The following MBNL1 variants were observed in gnomAD, a reference collection of about 807,000 sequenced individuals.
The protein encoded by MBNL1 is muscleblind-like protein 1.
MBNL1 carries 8 observed loss-of-function variants against 42.2 expected under a neutral mutation model. The ratio of observed to expected loss-of-function variants is 0.19; its 90% confidence interval spans 0.11 to 0.34. The LOEUF (loss-of-function observed/expected upper bound fraction) is 0.34, where lower values mean the gene tolerates loss of function less well. Ranked by LOEUF, MBNL1 falls within the 10% of genes least tolerant of loss-of-function variation. The probability of loss-of-function intolerance (pLI) is 1.00; values close to 1 mark genes in which losing one functional copy is unlikely to be tolerated. For synonymous variants in MBNL1, 169 were observed against 173.9 expected, an observed-to-expected ratio of 0.97 and a Z score of 0.22; for missense variants, 309 against 495.3, an observed-to-expected ratio of 0.62 and a Z score of 3.57.
intron 1 of MBNL1, among the ~76,000 whole-genome samples, chr3:152,285,477 A>C (rs2150589490): frequency 6.6e-6 from 1 of 152,326 alleles, no homozygotes; most frequent in East Asian, 1.9e-4. Flanking sequence ...CATCTCTTAG[A>C]GTTGTGAGGA....
chr3:152,247,354 CTAAA>C (rs1258930623), intron 2 of MBNL1, among the ~76,000 whole-genome samples: 12 of 151,614 alleles, frequency 7.9e-5, no homozygotes, highest in Admixed American at 3.9e-4. Flanking sequence ...TTAAAATATG[CTAAA>C]TAAATAAGAA....
chr3:152,317,123 G>T lies in MBNL1; in HGVS notation c.174+16756G>T, dbSNP rs901502619. ...AAAGCTACTTGATGGTACCTTGGTT[G>T]TAGTTAGCAGGTCTCCATTTTCTAC... is the stretch of plus-strand genomic sequence containing the variant. On this transcript the variant is annotated intron_variant, in intron 2 of 9. Coordinates refer to ENST00000324210, the MANE Select transcript of MBNL1 (RefSeq NM_021038.5). Among the ~76,000 whole-genome samples the T allele has an allele frequency of 6.6e-5, 10 of 152,012 alleles. 1 individual carries two copies. Among genetic ancestry groups the T allele is most frequent in the African/African-American group, 9.7e-5 (4 of 41,400 alleles).
At chr3:152,327,973 T>G (rs1404009027) in intron 2 of MBNL1, among the ~76,000 whole-genome samples, 2 of 152,118 alleles carry the variant, frequency 1.3e-5, no homozygotes, top group African/African-American at 2.4e-5. Flanking sequence ...TTTTATTAAT[T>G]TATTTTTTTG....
chr3:152,429,136 G>A (rs563520054), intron 3 of MBNL1, among the ~76,000 whole-genome samples: 1 of 152,130 alleles, frequency 6.6e-6, no homozygotes, highest in African/African-American at 2.4e-5. Flanking sequence ...ATACTCTACT[G>A]TTGTAAGGAT....
intron 2 of MBNL1, among the ~76,000 whole-genome samples, chr3:152,398,165 T>G (rs1248069619): frequency 6.6e-6 from 1 of 152,180 alleles, no homozygotes; most frequent in Non-Finnish European, 1.5e-5. Flanking sequence ...TGCATAATTT[T>G]GGAAACAGGG....
At chr3:152,337,729 C>T (rs1458157936) in intron 2 of MBNL1, among the ~76,000 whole-genome samples, 1 of 151,494 alleles carries the variant, frequency 6.6e-6, no homozygotes, top group Non-Finnish European at 1.5e-5. Context: ...TTGTTCTTCT[C>T]ATCTCTGCAC....
chr3:152,382,615 A>G (rs1317835865), intron 2 of MBNL1, among the ~76,000 whole-genome samples: 3 of 152,128 alleles, frequency 2.0e-5, no homozygotes, highest in Non-Finnish European at 2.9e-5. Context: ...ATCCCAGGCA[A>G]TTAATGCAAC....
intron 1 of MBNL1, among the ~76,000 whole-genome samples, chr3:152,291,723 G>A (rs1032187939): frequency 3.3e-5 from 5 of 152,184 alleles, no homozygotes; most frequent in African/African-American, 1.2e-4. Flanking sequence ...CGAGATAAGC[G>A]TGTAATATTA....
rs919330679 is a variant in MBNL1, at chr3:152,297,334, T to G, written c.-789-2071T>G. On this transcript the variant is annotated intron_variant, in intron 1 of 9. Coordinates refer to ENST00000324210, the MANE Select transcript of MBNL1 (RefSeq NM_021038.5). The stretch of plus-strand genomic sequence containing the variant: ...GAAAACCAAAATATTTCTTGAACAC[T>G]GGGGATGAGGTTTTTTTTTTTTTTT... Among the ~76,000 whole-genome samples, 50 of 143,978 alleles carry G rather than the reference T, an allele frequency of 3.5e-4. 1 individual carries two copies. Among genetic ancestry groups the G allele is most frequent in the Admixed American group, 7.8e-4 (11 of 14,186 alleles). 94.5% of individuals were successfully genotyped at this position (143,978 alleles called of 152,430 possible).
chr3:152,349,259 G>A (rs1474034682), intron 2 of MBNL1, among the ~76,000 whole-genome samples: 8 of 151,918 alleles, frequency 5.3e-5, no homozygotes, highest in Non-Finnish European at 8.8e-5. Flanking sequence ...TGTATCTATT[G>A]CCTTTATCTT....
intron 2 of MBNL1, among the ~76,000 whole-genome samples, chr3:152,316,398 A>G (rs1443650262): frequency 6.6e-6 from 1 of 152,200 alleles, no homozygotes; most frequent in East Asian, 1.9e-4. Context: ...GATCAGCTAT[A>G]CTAATAGCAA....
At chr3:152,394,445 G>A (rs1329628864) in intron 2 of MBNL1, among the ~76,000 whole-genome samples, 1 of 152,206 alleles carries the variant, frequency 6.6e-6, no homozygotes, top group South Asian at 2.1e-4. Flanking sequence ...TCATGCAGAT[G>A]TCTCTGACAC....
intron 2 of MBNL1, among the ~76,000 whole-genome samples, chr3:152,307,979 T>C (rs1428873287): frequency 6.6e-6 from 1 of 152,162 alleles, no homozygotes; most frequent in Non-Finnish European, 1.5e-5. Context: ...TATATGGCCA[T>C]ATAGGAAAAA....
At chr3:152,318,465 A>G (rs992548953) in intron 2 of MBNL1, among the ~76,000 whole-genome samples, 1 of 152,206 alleles carries the variant, frequency 6.6e-6, no homozygotes, top group Non-Finnish European at 1.5e-5. Flanking sequence ...GTACAAATAA[A>G]ACTGCATTTT....
intron 2 of MBNL1, among the ~76,000 whole-genome samples, chr3:152,312,327 C>T (rs567725983): frequency 5.3e-4 from 80 of 152,110 alleles, no homozygotes; most frequent in African/African-American, 1.9e-3. Context: ...CAGAAACTTT[C>T]GATACCAATA....
intron 2 of MBNL1, among the ~76,000 whole-genome samples, chr3:152,301,599 A>T (rs1393593687): frequency 6.6e-6 from 1 of 152,204 alleles, no homozygotes; most frequent in East Asian, 1.9e-4. Context: ...AACAGAAAGG[A>T]GGTATTAACA....
intron 2 of MBNL1, among the ~76,000 whole-genome samples, chr3:152,373,233 G>C (rs1009379815): frequency 6.6e-6 from 1 of 151,912 alleles, no homozygotes; most frequent in African/African-American, 2.4e-5. Context: ...AGCTTGCTGG[G>C]CTCTGTGGCG....
chr3:152,428,973 A>G (rs1295707784), intron 3 of MBNL1, among the ~76,000 whole-genome samples: 2 of 152,078 alleles, frequency 1.3e-5, no homozygotes, highest in Admixed American at 1.3e-4. Context: ...TCATTCATTC[A>G]CTCAAGTACT....
intron 3 of MBNL1, among the ~76,000 whole-genome samples, chr3:152,426,015 C>T (rs972024993): frequency 6.6e-6 from 1 of 152,094 alleles, no homozygotes; most frequent in Non-Finnish European, 1.5e-5. Flanking sequence ...TACTATACAG[C>T]CATAGGAAAG....
Sources: gnomAD v4.1 joint callset for allele counts (sites outside exome capture counted in the v4.1 genomes callset) on GRCh38, gnomAD v4.1.1 for gene constraint, MANE v1.5 for transcripts, NCBI Gene and HGNC (gene_info 2026-07-23, HGNC 2026-07-21) for gene names.